CDH10: variants seen among roughly 807,000 people sequenced by gnomAD.
The protein encoded by CDH10 is cadherin 10, also known as cadherin-10.
A neutral mutation model predicts 73.1 loss-of-function variants in CDH10; 30 were observed. The observed-to-expected ratio is 0.41, with a 90% CI of 0.31 to 0.56. CDH10 has a LOEUF of 0.56. Among genes scored for constraint, CDH10 ranks in the 20% least tolerant of loss-of-function variants. The probability of loss-of-function intolerance (pLI) is 0.27; values close to 1 mark genes in which losing one functional copy is unlikely to be tolerated. For missense variants in CDH10, 815 were observed against 973.7 expected, an observed-to-expected ratio of 0.84 and a Z score of 2.17; for synonymous variants, 345 against 348.2, an observed-to-expected ratio of 0.99 and a Z score of 0.10.
chr5:24,563,662 C>A (rs1205879017), intron 2 of CDH10, among the ~76,000 whole-genome samples: 26 of 148,876 alleles, frequency 1.7e-4, no homozygotes, highest in African/African-American at 6.4e-4. Flanking sequence ...CCCAGCTACT[C>A]CGGAGGCTGA....
At chr5:24,552,553 G>C (rs540854023) in intron 2 of CDH10, among the ~76,000 whole-genome samples, 7 of 151,894 alleles carry the variant, frequency 4.6e-5, no homozygotes, top group Non-Finnish European at 7.4e-5. Context: ...TTTGATTGGT[G>C]CATCATTTTC....
intron 1 of CDH10, among the ~76,000 whole-genome samples, chr5:24,640,824 A>T (rs1748025630): frequency 6.6e-6 from 1 of 151,956 alleles, no homozygotes; most frequent in African/African-American, 2.4e-5. Flanking sequence ...AGGTCATCAC[A>T]TACATTGCCA....
chr5:24,554,523 CGT>C (rs1744695580), intron 2 of CDH10, among the ~76,000 whole-genome samples: 1 of 72,536 alleles, frequency 1.4e-5, no homozygotes, highest in Non-Finnish European at 3.1e-5. Flanking sequence ...TGTGTGTGCA[CGT>C]GCATGATTTT....
intron 2 of CDH10, among the ~76,000 whole-genome samples, chr5:24,590,970 A>G (rs1579852468): frequency 6.6e-6 from 1 of 152,080 alleles, no homozygotes; most frequent in East Asian, 1.9e-4. Flanking sequence ...ATAATTTCTG[A>G]AAGAAAATAT....
intron 5 of CDH10, among the ~76,000 whole-genome samples, chr5:24,523,031 G>C (rs1004107317): frequency 1.3e-5 from 2 of 151,538 alleles, no homozygotes; most frequent in East Asian, 3.9e-4. Flanking sequence ...ACACGCAAAG[G>C]AAACCTTTCA....
intron 5 of CDH10, among the ~76,000 whole-genome samples, chr5:24,514,544 T>A (rs981133942): frequency 6.6e-6 from 1 of 152,172 alleles, no homozygotes; most frequent in African/African-American, 2.4e-5. Flanking sequence ...AAGAACTCTC[T>A]TTAAAAAATT....
At chr5:24,515,946 T>A (rs1377403405) in intron 5 of CDH10, among the ~76,000 whole-genome samples, 2 of 152,136 alleles carry the variant, frequency 1.3e-5, no homozygotes, top group Non-Finnish European at 2.9e-5. Flanking sequence ...ATGTAAGATG[T>A]CCCTTGCTCT....
At chr5:24,599,933 TA>T (rs35858260) in intron 1 of CDH10, among the ~76,000 whole-genome samples, 1 of 151,982 alleles carries the variant, frequency 6.6e-6, no homozygotes, top group Non-Finnish European at 1.5e-5. Context: ...TCCCATTTTA[TA>T]AAAAAAGGAT....
Position 24,490,848 on chromosome 5 carries a change from T to C in CDH10, c.1876+728A>G, listed in dbSNP as rs1319432988. Reference sequence around the variant, plus strand: ...CAATTATTGAATACAGGAATGCCGATGGGAAGTGCTCATATGTCAAGTTTT... The same window carrying C: ...CAATTATTGAATACAGGAATGCCGACGGGAAGTGCTCATATGTCAAGTTTT... On this transcript the variant is annotated intron_variant, in intron 11 of 11. Transcript: ENST00000264463. Among the ~76,000 whole-genome samples the C allele has an allele frequency of 2.0e-5, 3 of 152,198 alleles. 1 individual carries two copies. Among genetic ancestry groups the C allele is most frequent in the African/African-American group, 7.2e-5 (3 of 41,466 alleles).
At chr5:24,616,090 A>G (rs1747117760) in intron 1 of CDH10, among the ~76,000 whole-genome samples, 2 of 152,032 alleles carry the variant, frequency 1.3e-5, no homozygotes, top group Non-Finnish European at 2.9e-5. Flanking sequence ...TATATATTTC[A>G]TTGCATTACA....
intron 2 of CDH10, among the ~76,000 whole-genome samples, chr5:24,588,058 G>C (rs989263234): frequency 1.3e-5 from 2 of 152,000 alleles, no homozygotes; most frequent in Admixed American, 6.6e-5. Flanking sequence ...TTTTAATATA[G>C]GTTTACATTT....
intron 2 of CDH10, among the ~76,000 whole-genome samples, chr5:24,588,406 T>G (rs1242256287): frequency 3.9e-5 from 6 of 152,172 alleles, no homozygotes; most frequent in African/African-American, 1.2e-4. Context: ...TTTGGTCATG[T>G]TTGGATAATT....
intron 4 of CDH10, 94 bp from the exon 5 acceptor site, chr5:24,535,373 T>A: frequency 8.5e-7 from 1 of 1,180,454 alleles, no homozygotes; most frequent in South Asian, 1.4e-5. Context: ...GCTAGTGATT[T>A]TTTTGAAAGA....
chr5:24,504,876 AG>A lies in CDH10; in HGVS notation c.1393+235del, dbSNP rs1272082197. 2.0e-5 allele frequency among the ~76,000 whole-genome samples: 3 copies of A among 152,230 alleles called. No individual in the cohort carries two copies. The East Asian group carries it at 5.8e-4, about 29-fold the overall frequency. On this transcript the variant is annotated intron_variant, in intron 8 of 11. Coordinates refer to ENST00000264463, the MANE Select transcript of CDH10 (RefSeq NM_006727.5). Reference sequence around the variant, plus strand: ...TTTGAGGCTCAGCCAAAAACTCCCAAGAAGGCAGAAATAAAATTTTTGCATC... The same window carrying A: ...TTTGAGGCTCAGCCAAAAACTCCCAAAAGGCAGAAATAAAATTTTTGCATC...
intron 1 of CDH10, among the ~76,000 whole-genome samples, chr5:24,626,300 T>G (rs2112182122): frequency 6.6e-6 from 1 of 152,250 alleles, no homozygotes; most frequent in South Asian, 2.1e-4. Flanking sequence ...AATTTTTACA[T>G]AATTCTCATA....
chr5:24,598,824 C>G (rs1579458111), intron 1 of CDH10, among the ~76,000 whole-genome samples: 1 of 152,072 alleles, frequency 6.6e-6, no homozygotes, highest in Non-Finnish European at 1.5e-5. Context: ...AGGAATGTGA[C>G]CTGCACACAA....
chr5:24,487,911 T>A lies in CDH10; in HGVS notation c.2119A>T (p.Asn707Tyr), dbSNP rs1741901104. 1 of 1,614,004 alleles carries A rather than the reference T, an allele frequency of 6.2e-7. No individual in the cohort carries two copies. Among genetic ancestry groups the A allele is most frequent in the African/African-American group, 1.3e-5 (1 of 75,006 alleles). Residue 707 changes from asparagine (N) to tyrosine (Y), a missense_variant, in exon 12 of 12, where the codon AAC becomes TAC. This residue lies in a region of CDH10 where 241 missense variants were observed against 240.3 expected (regional missense o/e 1.00). Transcript: ENST00000264463. Reference sequence around the variant, plus strand: ...TTAATGAAATCCCGGACGTCCGTGTTATCTGGAGCTGTAGGAGTCCTCCGA... The same window carrying A: ...TTAATGAAATCCCGGACGTCCGTGTAATCTGGAGCTGTAGGAGTCCTCCGA... ...IPRRTPTAPD[N>Y]TDVRDFINER...
chr5:24,625,568 T>TTC (rs1294148798), intron 1 of CDH10, among the ~76,000 whole-genome samples: 4 of 36,290 alleles, frequency 1.1e-4, no homozygotes, highest in Non-Finnish European at 6.9e-4. Context: ...TATATTCATA[T>TTC]ATATACATAT....
rs1028137163 is a variant in CDH10 at position 24,502,225 on chromosome 5, A to G, written c.1393+2887T>C. On this transcript the variant is annotated intron_variant, in intron 8 of 11. Transcript: ENST00000264463. ...GCGTGAGCCACCGCGCCTGGCTCCC[A>G]CATAGCATTTTAAAATATTTTTGAA... Among the ~76,000 whole-genome samples, 9 of 152,224 alleles carry G rather than the reference A, an allele frequency of 5.9e-5. No homozygotes were observed. The East Asian group carries it at 1.7e-3, about 29-fold the overall frequency.
Sources: gnomAD v4.1 joint callset for allele counts (sites outside exome capture counted in the v4.1 genomes callset) on GRCh38, gnomAD v4.1.1 for gene constraint, gnomAD v4.1.1 regional missense constraint, MANE v1.5 for transcripts, NCBI Gene and HGNC (gene_info 2026-07-23, HGNC 2026-07-21) for gene names.